Variants in CASZ1 observed in about 807,000 individuals in gnomAD.
The protein encoded by CASZ1 is zinc finger protein castor homolog 1.
In CASZ1, 28 loss-of-function variants were observed where a neutral mutation model predicts 135.2. That is an observed-to-expected ratio of 0.21 (90% CI 0.15 to 0.28). The LOEUF is 0.28. CASZ1 is among the 10% of genes least tolerant of loss of function. The probability of loss-of-function intolerance (pLI) is 1.00; values close to 1 mark genes in which losing one functional copy is unlikely to be tolerated. For missense variants in CASZ1, 2,161 were observed against 2,453.3 expected, an observed-to-expected ratio of 0.88 and a Z score of 2.52; for synonymous variants, 1,068 against 1,073.4, an observed-to-expected ratio of 0.99 and a Z score of 0.10.
intron 2 of CASZ1, among the ~76,000 whole-genome samples, chr1:10,731,200 CAA>C (rs1462454302): frequency 6.6e-6 from 1 of 152,266 alleles, no homozygotes; most frequent in East Asian, 1.9e-4. Context: ...TGTGAGGTTA[CAA>C]AGTCTCACAT....
At position 10,720,875 on chromosome 1, in the gene CASZ1, G is replaced by A. The variant is rs187539981; in HGVS notation, c.-76-15331C>T. Among the ~76,000 whole-genome samples the A allele has an allele frequency of 1.2e-4, 18 of 152,262 alleles. No homozygotes were observed. Among genetic ancestry groups the A allele is most frequent in the African/African-American group, 4.3e-4 (18 of 41,562 alleles). ...GGGGAGAGGCAGGCATGGGTGCCGC[G>A]TGGGCCCAGCCAAGGGCTCCAGGAC... is the stretch of plus-strand genomic sequence containing the variant. On this transcript the variant is annotated intron_variant, in intron 2 of 20. Transcript: ENST00000377022. This position sits in a 1 kb window ranked among gnomAD's most constrained non-coding sequence, Gnocchi z 5.7.
At chr1:10,765,695 A>G (rs1640462843) in intron 1 of CASZ1, among the ~76,000 whole-genome samples, 1 of 152,102 alleles carries the variant, frequency 6.6e-6, no homozygotes, top group Admixed American at 6.5e-5. Context: ...GGAGAGAGAG[A>G]TGGGGCAAGA....
At chr1:10,761,128 A>G (rs745897882) in intron 1 of CASZ1, among the ~76,000 whole-genome samples, 1 of 152,284 alleles carries the variant, frequency 6.6e-6, no homozygotes, top group Non-Finnish European at 1.5e-5. Flanking sequence ...GCAAACAGGT[A>G]GAAACAATAC....
intron 1 of CASZ1, among the ~76,000 whole-genome samples, chr1:10,795,849 G>A (rs1641057557): frequency 6.6e-6 from 1 of 152,158 alleles, no homozygotes; most frequent in Non-Finnish European, 1.5e-5. Context: ...ATTTCCTATG[G>A]GGGATACCCT....
In CASZ1 at chr1:10,700,194, G is replaced by A. The variant is rs1343129064; in HGVS notation, c.-24+5298C>T. 6.6e-6 allele frequency among the ~76,000 whole-genome samples: 1 copy of A among 152,168 alleles called. No homozygotes were observed. The highest frequency in any genetic ancestry group is 1.5e-5 in the Non-Finnish European group (1 of 68,034). ...AGCCTGTGGCCCCAGCCCGGGCGGG[G>A]ACCTGTTCTGGAATGTTGGGTTGGC... On this transcript the variant is annotated intron_variant, in intron 3 of 20. Transcript: ENST00000377022. This position sits in a 1 kb window ranked among gnomAD's most constrained non-coding sequence, Gnocchi z 4.2.
chr1:10,657,356 G>A lies in CASZ1; in HGVS notation c.1410-620C>T, dbSNP rs1328170447. On this transcript the variant is annotated intron_variant, in intron 7 of 20. Transcript: ENST00000377022. The surrounding 1 kb of genome is among the most constrained non-coding windows in gnomAD (Gnocchi z 5.7). Reference sequence around the variant, plus strand: ...ACGTGGCTCCCACAGCCTCGGTGACGGCCGGCCGTGGGGAGGCCACTCTGG... The same window carrying A: ...ACGTGGCTCCCACAGCCTCGGTGACAGCCGGCCGTGGGGAGGCCACTCTGG... Among the ~76,000 whole-genome samples the A allele has an allele frequency of 2.0e-5, 3 of 152,194 alleles. No homozygotes were observed. The highest frequency in any genetic ancestry group is 7.2e-5 in the African/African-American group (3 of 41,446).
intron 4 of CASZ1, 82 bp downstream of exon 4, chr1:10,693,792 C>CCCCCCA: frequency 8.1e-7 from 1 of 1,241,988 alleles, no homozygotes. Context: ...GCCGCCACCT[C>CCCCCCA]ATTGGGCTAA....
At chr1:10,775,417 C>T (rs1211566846) in intron 1 of CASZ1, among the ~76,000 whole-genome samples, 1 of 151,944 alleles carries the variant, frequency 6.6e-6, no homozygotes, top group African/African-American at 2.4e-5. Flanking sequence ...ATGGACACTA[C>T]AATGTCTGGG....
intron 4 of CASZ1, among the ~76,000 whole-genome samples, chr1:10,683,751 T>G (rs1638500076): frequency 6.6e-6 from 1 of 152,142 alleles, no homozygotes; most frequent in African/African-American, 2.4e-5. Flanking sequence ...TCTGCAAAGA[T>G]GGGCACTCCG....
Position 10,639,535 on chromosome 1 carries a change from T to G in CASZ1, c.4687A>C (p.Lys1563Gln). 6.2e-7 allele frequency: 1 copy of G among 1,611,068 alleles called. No individual in the cohort carries two copies. The highest frequency in any genetic ancestry group is 8.5e-7 in the Non-Finnish European group (1 of 1,178,678). ...SSADCAVPDC[K>Q]YKLKCSHFHC... The stretch of plus-strand genomic sequence containing the variant: ...AAGTGCGAGCACTTGAGCTTGTACT[T>G]GCAGTCGGGCACGGCGCAGTCGGCG... The change falls in exon 21 of 21, where the codon AAG becomes CAG. Residue 1563 changes from lysine to glutamine, a missense_variant. Around this residue, in one of 7 missense-constraint regions of CASZ1, gnomAD observed 240 missense variants for 321.4 expected, o/e 0.75. Transcript: ENST00000377022. This position sits in a 1 kb window ranked among gnomAD's most constrained non-coding sequence, Gnocchi z 4.0.
In CASZ1 at chr1:10,659,824, G is replaced by A. The variant is rs773172198; in HGVS notation, c.1218C>T (p.Ala406=). 117 of 1,613,362 alleles carry A rather than the reference G, an allele frequency of 7.3e-5. No individual in the cohort carries two copies. The highest frequency in any genetic ancestry group is 9.5e-5 in the Non-Finnish European group (112 of 1,179,660). Reference sequence around the variant, plus strand: ...CTGGCCCTGGCCCGGGGGCGCTGGGGGCACTGGGCACGCTGGCGAGGGGTG... The same window carrying A: ...CTGGCCCTGGCCCGGGGGCGCTGGGAGCACTGGGCACGCTGGCGAGGGGTG... ...APAPLASVPS[A]PSAPGPGPEP... is the part of the protein sequence containing the mutation. The change falls in exon 6 of 21, where the codon GCC becomes GCT. Residue 406 remains alanine (A), a synonymous_variant. Transcript: ENST00000377022.
rs751917839 is a variant in CASZ1 at position 10,655,722 on chromosome 1, G to A, written c.1592C>T (p.Pro531Leu). 3.1e-6 allele frequency: 5 copies of A among 1,614,198 alleles called. No homozygotes were observed. Among genetic ancestry groups the A allele is most frequent in the East Asian group, 2.2e-5 (1 of 44,886 alleles). ...GTAGTAGACGCTGCAGTCGTCCAGC[G>A]GGCTGAAACGCATGAAGCCGTGCTG... The part of the protein sequence containing the change: ...SLQHGFMRFS[P>L]LDDCSVYYHG... The change falls in exon 9 of 21, where the codon CCG (proline) becomes CTG (leucine). Residue 531 changes from proline (P) to leucine (L), a missense_variant. By Grantham distance (98) the Pro-to-Leu change is moderately conservative. Transcript: ENST00000377022.
chr1:10,703,742 G>C (rs1639111441), intron 3 of CASZ1, among the ~76,000 whole-genome samples: 1 of 152,166 alleles, frequency 6.6e-6, no homozygotes, highest in Admixed American at 6.5e-5. Flanking sequence ...TTTCCCTAAA[G>C]GGCCAGAGAG....
rs1639918923 is a variant in CASZ1 at position 10,741,363 on chromosome 1, C to T, written c.-77+19338G>A. The stretch of plus-strand genomic sequence containing the variant: ...CAAAGCAAAGCCTGGAAAAGAGCCA[C>T]CAGCAGTTGTCCTGGGGGTGGGGGC... On this transcript the variant is annotated intron_variant, in intron 2 of 20. Transcript: ENST00000377022. This position sits in a 1 kb window ranked among gnomAD's most constrained non-coding sequence, Gnocchi z 5.0. 6.6e-6 allele frequency among the ~76,000 whole-genome samples: 1 copy of T among 152,176 alleles called. No individual in the cohort carries two copies. The highest frequency in any genetic ancestry group is 1.5e-5 in the Non-Finnish European group (1 of 68,026).
intron 4 of CASZ1, among the ~76,000 whole-genome samples, chr1:10,687,187 A>G (rs1638620642): frequency 6.6e-6 from 1 of 151,988 alleles, no homozygotes; most frequent in Admixed American, 6.5e-5. Flanking sequence ...AGTCCCTCCC[A>G]AGGCCCCCTT....
At chr1:10,659,622 G>C (rs187202763) in intron 6 of CASZ1, 80 bp downstream of exon 6, 1 of 1,168,886 alleles carries the variant, frequency 8.6e-7, no homozygotes, top group Non-Finnish European at 1.3e-6. Flanking sequence ...CCTCAAGCAC[G>C]GGCAACCCTG....
chr1:10,723,933 G>A (rs534536309), intron 2 of CASZ1, among the ~76,000 whole-genome samples: 1 of 152,244 alleles, frequency 6.6e-6, no homozygotes, highest in Admixed American at 6.5e-5. Context: ...CCTCTTCTTT[G>A]GGGGTTCTTC....
chr1:10,768,401 A>G (rs1353623384), intron 1 of CASZ1, among the ~76,000 whole-genome samples: 1 of 152,082 alleles, frequency 6.6e-6, no homozygotes, highest in Non-Finnish European at 1.5e-5. Flanking sequence ...TATTTTTAGT[A>G]GAGATGGGGT....
rs1011836606 is a variant in CASZ1 at position 10,724,688 on chromosome 1, G to A, written c.-76-19144C>T. On this transcript the variant is annotated intron_variant, in intron 2 of 20. Coordinates refer to ENST00000377022, the MANE Select transcript of CASZ1 (RefSeq NM_001079843.3). This position sits in a 1 kb window ranked among gnomAD's most constrained non-coding sequence, Gnocchi z 4.1. ...TAGCACGAGCTCCAAGGTTGCCCCT[G>A]GTCTTCGCTCAGAGGGGCACCCCAA... Among the ~76,000 whole-genome samples the A allele has an allele frequency of 7.9e-5, 12 of 152,184 alleles. No individual in the cohort carries two copies. The highest frequency in any genetic ancestry group is 1.5e-5 in the Non-Finnish European group (1 of 68,038).
Sources: gnomAD v4.1 joint callset for allele counts (sites outside exome capture counted in the v4.1 genomes callset) on GRCh38, gnomAD v4.1.1 for gene constraint, gnomAD v4.1.1 regional missense constraint, Gnocchi (gnomAD v3.1) non-coding constraint, MANE v1.5 for transcripts, NCBI Gene and HGNC (gene_info 2026-07-23, HGNC 2026-07-21) for gene names.